Variants in MSI1 observed in about 807,000 individuals in gnomAD.
MSI1 encodes musashi RNA binding protein 1, also known as RNA-binding protein Musashi homolog 1.
In MSI1, 15 loss-of-function variants were observed where a neutral mutation model predicts 54.4. That is an observed-to-expected ratio of 0.28 (90% CI 0.18 to 0.42). MSI1 has a LOEUF of 0.42. Ranked by LOEUF, MSI1 falls within the 20% of genes least tolerant of loss-of-function variation. MSI1 has a pLI of 1.00. For missense variants in MSI1, 304 were observed against 506.0 expected, an observed-to-expected ratio of 0.60 and a Z score of 3.83; for synonymous variants, 200 against 196.5, an observed-to-expected ratio of 1.02 and a Z score of -0.15.
intron 11 of MSI1, among the ~76,000 whole-genome samples, chr12:120,351,120 G>A (rs1874557475): frequency 6.6e-6 from 1 of 152,088 alleles, no homozygotes; most frequent in Admixed American, 6.5e-5. Context: ...GGATGAATGA[G>A]TGACTTTGCC....
In MSI1 at chr12:120,351,473, G is replaced by T. The variant is rs953200905; in HGVS notation, c.734-73C>A. ...TGGACATGGCCCAGGGAGGACAAATGCACCCACAGGGACACTGGGTGAGGA... is the reference window on the plus strand; with the variant it reads ...TGGACATGGCCCAGGGAGGACAAATTCACCCACAGGGACACTGGGTGAGGA... On this transcript the variant is annotated intron_variant, in intron 10 of 14. Coordinates refer to ENST00000257552, the MANE Select transcript of MSI1 (RefSeq NM_002442.4). The T allele has an allele frequency of 1.9e-5, 26 of 1,370,660 alleles. No individual in the cohort carries two copies. In the Admixed American group the frequency reaches 4.4e-4, roughly 23 times the overall value. 84.9% of individuals were successfully genotyped at this position (1,370,660 alleles called of 1,614,324 possible).
intron 7 of MSI1, among the ~76,000 whole-genome samples, 157 bp downstream of exon 7, chr12:120,358,841 CAGGAAAT>C (rs1482417499): frequency 6.6e-6 from 1 of 152,092 alleles, no homozygotes; most frequent in Non-Finnish European, 1.5e-5. Context: ...GTTTCTAGCA[CAGGAAAT>C]GGTGGGACAA....
chr12:120,367,981 A>C (rs1592952558), intron 4 of MSI1, 27 bp downstream of exon 4: 1 of 1,590,060 alleles, frequency 6.3e-7, no homozygotes, highest in Non-Finnish European at 8.6e-7. Context: ...CTCCCAAAGG[A>C]CCCCCGAAGC....
chr12:120,351,427 G>T, intron 10 of MSI1, 27 bp from the exon 11 acceptor site: 1 of 1,610,274 alleles, frequency 6.2e-7, no homozygotes, highest in South Asian at 1.1e-5. Flanking sequence ...AACAGCTTAG[G>T]AAGAAGCAGG....
rs773177000 is a variant in MSI1, at chr12:120,351,369, G to T, written c.765C>A (p.Ser255Arg). The T allele has an allele frequency of 6.2e-7, 1 of 1,613,572 alleles. No individual in the cohort carries two copies. ...CTGTAAGCTCGGGGAGGACTGGGGC[G>T]CTCGGGAGAGGGGTCCGCTCTACAC... ...EFRVERTPLP[S>R]APVLPELTAI... The change falls in exon 11 of 15, where the codon AGC (serine) becomes AGA (arginine). Residue 255 changes from serine to arginine, a missense_variant. By Grantham distance (110) the Ser-to-Arg change is moderately radical (BLOSUM62 -1). Coordinates refer to ENST00000257552, the MANE Select transcript of MSI1 (RefSeq NM_002442.4).
chr12:120,359,326 T>C (rs1875431244), intron 6 of MSI1, among the ~76,000 whole-genome samples: 1 of 151,334 alleles, frequency 6.6e-6, no homozygotes, highest in Non-Finnish European at 1.5e-5. Context: ...GATAAGAAAG[T>C]AGGCTCAGAG....
In MSI1 at chr12:120,369,016, G is replaced by A. The variant is rs1366564246; in HGVS notation, c.59+17C>T. On this transcript the variant is annotated intron_variant, in intron 1 of 14. Coordinates refer to ENST00000257552, the MANE Select transcript of MSI1 (RefSeq NM_002442.4). Reference sequence around the variant, plus strand: ...GCCGGGGCGGGCGCGGGCCAAGCAGGCCGGGCCGGGCCGTACCAGGGGTCG... The same window carrying A: ...GCCGGGGCGGGCGCGGGCCAAGCAGACCGGGCCGGGCCGTACCAGGGGTCG... The A allele has an allele frequency of 2.8e-6, 3 of 1,054,516 alleles. No homozygotes were observed. In the Admixed American group the frequency reaches 1.7e-4, roughly 59 times the overall value. 65.3% of individuals were successfully genotyped at this position (1,054,516 alleles called of 1,614,324 possible).
intron 4 of MSI1, among the ~76,000 whole-genome samples, chr12:120,367,279 C>A (rs1876073332): frequency 6.6e-6 from 1 of 152,134 alleles, no homozygotes; most frequent in Admixed American, 6.5e-5. Context: ...ATGGGAGTAA[C>A]CCCCTCCTCT....
chr12:120,361,395 T>A (rs1005571687), intron 6 of MSI1: 2 of 152,286 alleles, frequency 1.3e-5, no homozygotes, highest in East Asian at 3.9e-4. Flanking sequence ...CCCTTCAACC[T>A]GGGCCTTGGC....
chr12:120,345,537 C>T (rs1460851727), intron 14 of MSI1, 33 bp downstream of exon 14: 8 of 1,604,040 alleles, frequency 5.0e-6, no homozygotes, highest in Non-Finnish European at 6.0e-6. Flanking sequence ...TCCCCAGTGC[C>T]ACCCCACCAC....
Position 120,347,509 on chromosome 12 carries a change from G to T in MSI1, c.796C>A (p.Pro266Thr), listed in dbSNP as rs1874235770. Reference protein sequence around the residue: ...APVLPELTAIPLTAYGPMAAA... With the variant: ...APVLPELTAITLTAYGPMAAA... ...GCCATTGGTCCGTAGGCAGTGAGAG[G>T]AATGGCTGAAAGGAAAGGGATGGGC... Residue 266 changes from proline to threonine, a missense_variant, in exon 12 of 15, where the codon CCT (proline) becomes ACT (threonine). This residue lies in a region of MSI1 where 147 missense variants were observed against 231.5 expected (regional missense o/e 0.64). Coordinates refer to ENST00000257552, the MANE Select transcript of MSI1 (RefSeq NM_002442.4). 1.9e-6 allele frequency: 3 copies of T among 1,614,134 alleles called. No individual in the cohort carries two copies. Among genetic ancestry groups the T allele is most frequent in the Non-Finnish European group, 1.7e-6 (2 of 1,180,036 alleles).
At chr12:120,347,279 C>T (rs893998750) in intron 12 of MSI1, among the ~76,000 whole-genome samples, 167 bp downstream of exon 12, 5 of 152,196 alleles carry the variant, frequency 3.3e-5, no homozygotes, top group Non-Finnish European at 1.5e-5. Flanking sequence ...AGGGCTGGCT[C>T]GCCCATGCTG....
At chr12:120,352,593 C>T (rs564970134) in intron 10 of MSI1, among the ~76,000 whole-genome samples, 1 of 151,994 alleles carries the variant, frequency 6.6e-6, no homozygotes, top group African/African-American at 2.4e-5. Context: ...GGCAACGTCC[C>T]GTACACAAAG....
intron 14 of MSI1, among the ~76,000 whole-genome samples, chr12:120,343,718 T>G (rs1236273131): frequency 1.3e-5 from 2 of 152,236 alleles, no homozygotes; most frequent in African/African-American, 4.8e-5. Context: ...GGACTTTGTC[T>G]GTCTTGTTCA....
chr12:120,348,054 C>T (rs1046750519), intron 11 of MSI1, among the ~76,000 whole-genome samples: 3 of 152,164 alleles, frequency 2.0e-5, no homozygotes, highest in African/African-American at 7.2e-5. Context: ...CGTTGCACCG[C>T]ACCTTCTGCT....
chr12:120,357,252 T>C (rs1377728116), intron 8 of MSI1, among the ~76,000 whole-genome samples: 1 of 152,160 alleles, frequency 6.6e-6, no homozygotes, highest in Non-Finnish European at 1.5e-5. Context: ...TGGAGGAGCT[T>C]TTCCAGTCCC....
chr12:120,352,866 T>C (rs1874747184), intron 10 of MSI1, among the ~76,000 whole-genome samples: 1 of 152,144 alleles, frequency 6.6e-6, no homozygotes, highest in African/African-American at 2.4e-5. Context: ...TTTCAGCATT[T>C]AGGGTCTCAG....
At chr12:120,354,943 C>G (rs1295843134) in intron 9 of MSI1, among the ~76,000 whole-genome samples, 1 of 141,802 alleles carries the variant, frequency 7.1e-6, no homozygotes, top group African/African-American at 2.7e-5. Context: ...CCTACCACCA[C>G]AACACTTTGG....
In MSI1 at chr12:120,341,805, G is replaced by C. The variant is rs1168668745; in HGVS notation, c.*1322C>G. ...CGGGTGGGGGCAATGCTGGGGAAGA[G>C]AGCTCAGGCCCTGGGCCTCATAACT... On this transcript the variant is annotated 3_prime_UTR_variant, in exon 15 of 15. Coordinates refer to ENST00000257552, the MANE Select transcript of MSI1 (RefSeq NM_002442.4). The C allele has an allele frequency of 6.6e-6, 1 of 152,348 alleles. No homozygotes were observed. Among genetic ancestry groups the C allele is most frequent in the Non-Finnish European group, 1.5e-5 (1 of 68,048 alleles). The allele number at this position is 152,348 out of a possible 1,614,324, so 9.4% of individuals were successfully genotyped here. A position where few individuals can be genotyped will look rare whatever the true frequency, so the allele number is the denominator to read the frequency against.
Sources: gnomAD v4.1 joint callset for allele counts (sites outside exome capture counted in the v4.1 genomes callset) on GRCh38, gnomAD v4.1.1 for gene constraint, gnomAD v4.1.1 regional missense constraint, MANE v1.5 for transcripts, NCBI Gene and HGNC (gene_info 2026-07-23, HGNC 2026-07-21) for gene names.